The following RNLS variants were observed in gnomAD, a reference collection of about 807,000 sequenced individuals.
The protein encoded by RNLS is renalase, FAD dependent amine oxidase.
RNLS carries 39 observed loss-of-function variants against 39.8 expected under a neutral mutation model. The observed-to-expected ratio is 0.98, with a 90% confidence interval of 0.76 to 1.28. The LOEUF is 1.28. Among genes scored for constraint, RNLS ranks in the 50% most tolerant of loss-of-function variants. RNLS has a pLI of 0.00. For synonymous variants in RNLS, 147 were observed against 150.7 expected (o/e 0.98, Z 0.18); for missense variants, 410 against 413.3 (o/e 0.99, Z 0.07).
intron 4 of RNLS, among the ~76,000 whole-genome samples, chr10:88,375,348 C>T (rs973406794): frequency 1.3e-5 from 2 of 152,126 alleles, no homozygotes; most frequent in Non-Finnish European, 2.9e-5. Flanking sequence ...AAGAGTTCCC[C>T]GAAGTCCCCT....
At chr10:88,391,480 C>CCA in intron 4 of RNLS, among the ~76,000 whole-genome samples, 2 of 152,156 alleles carry the variant, frequency 1.3e-5, no homozygotes, top group Non-Finnish European at 2.9e-5. Context: ...ATTGCTTGAA[C>CCA]CCAGGAGGTG....
intron 4 of RNLS, among the ~76,000 whole-genome samples, chr10:88,512,901 T>G (rs188057959): frequency 3.1e-3 from 467 of 152,280 alleles, no homozygotes; most frequent in Non-Finnish European, 5.0e-3. Context: ...GGATAAATTA[T>G]TAAGCTTCTC....
chr10:88,193,207 C>T, the RNLS span, among the ~76,000 whole-genome samples: 1 of 152,126 alleles, frequency 6.6e-6, no homozygotes, highest in South Asian at 2.1e-4. Context: ...AAAATGGGAA[C>T]TGAGAAGAAG....
intron 4 of RNLS, among the ~76,000 whole-genome samples, chr10:88,479,793 C>CTT (rs11293313): frequency 2.2e-5 from 3 of 139,322 alleles, no homozygotes; most frequent in South Asian, 2.3e-4. Flanking sequence ...TTCTTTTTTT[C>CTT]TTTTTTTTTT....
At chr10:88,541,463 C>T (rs569057996) in intron 4 of RNLS, among the ~76,000 whole-genome samples, 5 of 152,064 alleles carry the variant, frequency 3.3e-5, no homozygotes, top group Non-Finnish European at 5.9e-5. Flanking sequence ...TTTATTAATA[C>T]GTAGTATGTT....
Position 88,351,777 on chromosome 10 carries a change from C to T in RNLS, c.700+10775G>A, listed in dbSNP as rs544228305. 5.3e-5 allele frequency among the ~76,000 whole-genome samples: 8 copies of T among 152,266 alleles called. No individual in the cohort carries two copies. In the East Asian group the frequency reaches 1.5e-3, roughly 29 times the overall value. On this transcript the variant is annotated intron_variant, in intron 5 of 6. Transcript: ENST00000331772. ...TAGCTTGATGGGGATGGCATTGAAT[C>T]TATAAATTACCTTGGGCAGTATGGC...
At chr10:88,531,025 C>T (rs1005307675) in intron 4 of RNLS, among the ~76,000 whole-genome samples, 5 of 151,856 alleles carry the variant, frequency 3.3e-5, no homozygotes, top group African/African-American at 4.8e-5. Context: ...AAATAAAAGA[C>T]GCTAGATGGG....
the RNLS span, among the ~76,000 whole-genome samples, chr10:88,258,249 G>C: frequency 6.6e-6 from 1 of 152,172 alleles, no homozygotes; most frequent in Non-Finnish European, 1.5e-5. Flanking sequence ...CGGTGACATT[G>C]GTGCAAATTC....
intron 5 of RNLS, chr10:88,343,850 T>C (rs1848128587): frequency 3.1e-6 from 3 of 980,758 alleles, no homozygotes; most frequent in South Asian, 4.7e-5. Flanking sequence ...AGTCCTTTAA[T>C]TGAAACGTCC....
At chr10:88,441,845 C>T (rs1322861011) in intron 4 of RNLS, among the ~76,000 whole-genome samples, 3 of 152,200 alleles carry the variant, frequency 2.0e-5, no homozygotes, top group Non-Finnish European at 4.4e-5. Context: ...AAAACCTTGA[C>T]AGGTCTTAAT....
At chr10:88,449,335 T>C (rs1385788141) in intron 4 of RNLS, among the ~76,000 whole-genome samples, 1 of 152,236 alleles carries the variant, frequency 6.6e-6, no homozygotes, top group Non-Finnish European at 1.5e-5. Context: ...CATACTTCCA[T>C]TTATTCATGT....
the RNLS span, among the ~76,000 whole-genome samples, chr10:88,262,553 G>T: frequency 1.3e-5 from 2 of 152,050 alleles, no homozygotes; most frequent in Non-Finnish European, 2.9e-5. Context: ...TTGGCTACTA[G>T]TTTTCAGGGG....
intron 1 of RNLS, 45 bp downstream of exon 1, chr10:88,583,028 C>T: frequency 6.3e-7 from 1 of 1,593,156 alleles, no homozygotes; most frequent in South Asian, 1.1e-5. Context: ...CAGCAGCCTG[C>T]CCGGCAGTCC....
chr10:88,219,334 T>G, the RNLS span, among the ~76,000 whole-genome samples: 1 of 152,214 alleles, frequency 6.6e-6, no homozygotes, highest in Non-Finnish European at 1.5e-5. Context: ...TCCTACCATT[T>G]ATTCTCATCT....
At chr10:88,316,640 C>G (rs6586125) in intron 5 of RNLS, among the ~76,000 whole-genome samples, 44,069 of 151,946 alleles carry the variant, frequency 0.29, 8,218 homozygotes, top group African/African-American at 0.52. Context: ...CCAGGGGAAA[C>G]TCGTAAAGTC....
At chr10:88,572,470 G>A (rs909697005) in intron 4 of RNLS, among the ~76,000 whole-genome samples, 3 of 151,990 alleles carry the variant, frequency 2.0e-5, no homozygotes, top group Non-Finnish European at 4.4e-5. Flanking sequence ...CATGCCTCTC[G>A]TTCACAAAAG....
At chr10:88,467,583 GACTA>G (rs928393220) in intron 4 of RNLS, among the ~76,000 whole-genome samples, 2 of 152,160 alleles carry the variant, frequency 1.3e-5, no homozygotes, top group South Asian at 2.1e-4. Context: ...CTAACTAAGA[GACTA>G]ACTGAGACAA....
intron 4 of RNLS, among the ~76,000 whole-genome samples, chr10:88,411,722 T>C (rs1447367560): frequency 1.3e-5 from 2 of 152,142 alleles, no homozygotes; most frequent in East Asian, 1.9e-4. Context: ...GGTTAAAACA[T>C]AATGTATGCA....
intron 4 of RNLS, among the ~76,000 whole-genome samples, chr10:88,430,359 G>C (rs1855060638): frequency 1.3e-5 from 2 of 151,704 alleles, no homozygotes; most frequent in African/African-American, 4.8e-5. Context: ...TAGCAGCCTT[G>C]CTCAACTCAC....
Sources: allele counts gnomAD v4.1 joint callset (sites outside exome capture counted in the v4.1 genomes callset), GRCh38; gene constraint gnomAD v4.1.1; transcripts MANE v1.5; gene names NCBI Gene and HGNC (gene_info 2026-07-23, HGNC 2026-07-21).